Variants in AHNAK observed in about 807,000 individuals in gnomAD.
AHNAK encodes the protein AHNAK nucleoprotein, also known as neuroblast differentiation-associated protein AHNAK.
A neutral mutation model predicts 37.8 loss-of-function variants in AHNAK; 23 were observed. The ratio of observed to expected loss-of-function variants is 0.61; its 90% CI spans 0.44 to 0.86. The LOEUF is 0.86. Among genes scored for constraint, AHNAK ranks in the 40% least tolerant of loss-of-function variants. The probability of loss-of-function intolerance (pLI) is 0.00; values close to 1 mark genes in which losing one functional copy is unlikely to be tolerated. For synonymous variants in AHNAK, 2,481 were observed against 2,636.3 expected, an observed-to-expected ratio of 0.94 and a Z score of 1.80; for missense variants, 7,411 against 7,319.4, an observed-to-expected ratio of 1.01 and a Z score of -0.46.
rs1250369547 is a variant in AHNAK, at chr11:62,525,788, C to A, written c.8629G>T (p.Asp2877Tyr). The A allele has an allele frequency of 1.2e-6, 2 of 1,613,332 alleles. No homozygotes were observed. Among genetic ancestry groups the A allele is most frequent in the Non-Finnish European group, 1.7e-6 (2 of 1,179,922 alleles). ...PEVDLKGPKV[D>Y]IDVPDVNVQG... ...ACATTAACATCTGGGACATCAATGT[C>A]CACTTTGGGGCCTTTGAGGTCAACT... The change falls in exon 5 of 5, where the codon GAC becomes TAC. Residue 2877 changes from aspartate (D) to tyrosine (Y), a missense_variant. By Grantham distance (160) the Asp-to-Tyr change is radical. Transcript: ENST00000378024.
intron 5 of AHNAK, among the ~76,000 whole-genome samples, chr11:62,478,166 C>T (rs750175432): frequency 5.9e-5 from 9 of 152,166 alleles, no homozygotes; most frequent in Non-Finnish European, 1.0e-4. Context: ...GGCCTCTCAC[C>T]ACCACCCGCA....
At position 62,519,980 on chromosome 11, in the gene AHNAK, C is replaced by T. The variant is rs770972254; in HGVS notation, c.14437G>A (p.Gly4813Arg). The change falls in exon 5 of 5, where the codon GGA becomes AGA. Residue 4813 changes from glycine to arginine, a missense_variant. Gly to Arg is a moderately radical substitution (Grantham distance 125). Transcript: ENST00000378024. Reference protein sequence around the residue: ...SLPKADIDVSGPKVDVDIPDV... With the variant: ...SLPKADIDVSRPKVDVDIPDV... ...GGAATATCAACGTCCACCTTGGGTC[C>T]CGAGACATCGATGTCGGCCTTGGGC... 5.6e-6 allele frequency: 9 copies of T among 1,613,136 alleles called. No individual in the cohort carries two copies. Among genetic ancestry groups the T allele is most frequent in the Non-Finnish European group, 6.8e-6 (8 of 1,179,818 alleles).
In AHNAK at chr11:62,526,105, A is replaced by C; in HGVS notation, c.8312T>G (p.Met2771Arg). ...DWHLKMPKIKMPKISMPGFKG... is the reference protein window; with the variant it reads ...DWHLKMPKIKRPKISMPGFKG... ...GAAGCCAGGCATGCTGATCTTGGGC[A>C]TTTTTATCTTGGGCATCTTTAGGTG... is the stretch of plus-strand genomic sequence containing the variant. Residue 2771 changes from methionine (M) to arginine (R), a missense_variant, in exon 5 of 5, where the codon ATG becomes AGG. Met to Arg is a moderately conservative substitution (Grantham distance 91). Coordinates refer to ENST00000378024, the MANE Select transcript of AHNAK (RefSeq NM_001620.3). The C allele has an allele frequency of 5.0e-6, 8 of 1,612,878 alleles. No homozygotes were observed. The highest frequency in any genetic ancestry group is 6.8e-6 in the Non-Finnish European group (8 of 1,179,764).
rs1471975037 is a variant in AHNAK, at chr11:62,529,329, A to C, written c.5088T>G (p.Ile1696Met). 6.2e-7 allele frequency: 1 copy of C among 1,613,964 alleles called. No homozygotes were observed. The highest frequency in any genetic ancestry group is 1.7e-5 in the Admixed American group (1 of 60,000). Residue 1696 changes from isoleucine (I) to methionine (M), a missense_variant, in exon 5 of 5, where the codon ATT (isoleucine) becomes ATG (methionine). Coordinates refer to ENST00000378024, the MANE Select transcript of AHNAK (RefSeq NM_001620.3). Reference sequence around the variant, plus strand: ...CGTGAACCTCCACATCTGGGGCATCAATGTCCACTTTGGGCCCTTTAATGT... The same window carrying C: ...CGTGAACCTCCACATCTGGGGCATCCATGTCCACTTTGGGCCCTTTAATGT... ...DVDIKGPKVD[I>M]DAPDVEVHDP... is the part of the protein sequence containing the mutation.
chr11:62,534,892 G>A, intron 4 of AHNAK, 111 bp downstream of exon 4: 2 of 1,174,392 alleles, frequency 1.7e-6, no homozygotes, highest in Non-Finnish European at 2.4e-6. Flanking sequence ...GAGAGGAGAA[G>A]AAGGAGCAAA....
At chr11:62,546,008 A>C (rs1049533008) in intron 1 of AHNAK, 1 of 152,384 alleles carries the variant, frequency 6.6e-6, no homozygotes, top group African/African-American at 2.4e-5. Flanking sequence ...TGGGAGGCGC[A>C]TTGCAAACTT....
At chr11:62,447,921 G>C (rs954072101) in intron 5 of AHNAK, among the ~76,000 whole-genome samples, 2 of 152,156 alleles carry the variant, frequency 1.3e-5, no homozygotes, top group Admixed American at 6.5e-5. Flanking sequence ...GTTGTGATCA[G>C]TGTATGCTCT....
At chr11:62,476,330 A>C (rs1939146012) in intron 5 of AHNAK, among the ~76,000 whole-genome samples, 1 of 152,210 alleles carries the variant, frequency 6.6e-6, no homozygotes, top group Non-Finnish European at 1.5e-5. Context: ...CAGAGGTTGT[A>C]ATGAGCCGAG....
chr11:62,524,337 C>T lies in AHNAK; in HGVS notation c.10080G>A (p.Ser3360=), dbSNP rs139875610. 2.7e-5 allele frequency: 44 copies of T among 1,613,442 alleles called. No homozygotes were observed. In the African/African-American group the frequency reaches 3.9e-4, roughly 14 times the overall value. The change falls in exon 5 of 5, where the codon TCG becomes TCA. Residue 3360 remains serine, a synonymous_variant. Coordinates refer to ENST00000378024, the MANE Select transcript of AHNAK (RefSeq NM_001620.3). ...SRFKLPKFNF[S]GSKVQTPEVD... is the part of the protein sequence containing the mutation. ...CTTCAGGTGTCTGAACTTTAGAGCC[C>T]GAAAAATTAAATTTGGGAAGCTTAA...
At position 62,494,897 on chromosome 11, in the gene AHNAK, G is replaced by A. The variant is rs1304888403; in HGVS notation, c.343-3066C>T. Among the ~76,000 whole-genome samples the A allele has an allele frequency of 2.0e-5, 3 of 151,876 alleles. No individual in the cohort carries two copies. The South Asian group carries it at 6.2e-4, about 32-fold the overall frequency. On this transcript the variant is annotated intron_variant, in intron 4 of 5. Coordinates refer to the AHNAK transcript ENST00000257247. ...CGCCTGTAATCTCAGCTACTCAGGA[G>A]GCTGAGGCACGAGAATCGCTTGAAC...
At chr11:62,439,868 A>T (rs1938266926) in intron 5 of AHNAK, among the ~76,000 whole-genome samples, 1 of 151,316 alleles carries the variant, frequency 6.6e-6, no homozygotes, top group Admixed American at 6.6e-5. Context: ...AGGTTTTGCC[A>T]TGTTAGCCAG....
intron 5 of AHNAK, among the ~76,000 whole-genome samples, chr11:62,441,990 A>G (rs1400814222): frequency 6.6e-6 from 1 of 152,016 alleles, no homozygotes; most frequent in Non-Finnish European, 1.5e-5. Context: ...GGCGCAAATC[A>G]CCCTACTCCT....
chr11:62,528,034 C>A lies in AHNAK; in HGVS notation c.6383G>T (p.Gly2128Val). 1 of 1,613,982 alleles carries A rather than the reference C, an allele frequency of 6.2e-7. No homozygotes were observed. Among genetic ancestry groups the A allele is most frequent in the African/African-American group, 1.3e-5 (1 of 74,962 alleles). Residue 2128 changes from glycine (G) to valine (V), a missense_variant, in exon 5 of 5, where the codon GGC becomes GTC. By Grantham distance (109) the Gly-to-Val change is moderately radical. Transcript: ENST00000378024. ...ATCCACATCCCCTTTGACTTTGGGGCCTTTCAAGTGTAAGTCCACATCAGG... is the reference window on the plus strand; with the variant it reads ...ATCCACATCCCCTTTGACTTTGGGGACTTTCAAGTGTAAGTCCACATCAGG... ...SMPDVDLHLK[G>V]PKVKGDVDVS...
At chr11:62,488,969 G>A (rs889956256) in intron 5 of AHNAK, among the ~76,000 whole-genome samples, 22 of 151,980 alleles carry the variant, frequency 1.4e-4, no homozygotes, top group Admixed American at 2.0e-4. Context: ...GGCCCAGCGC[G>A]GTGGCTCACA....
chr11:62,507,922 G>T (rs192867430), intron 4 of AHNAK, among the ~76,000 whole-genome samples: 2 of 152,310 alleles, frequency 1.3e-5, no homozygotes, highest in African/African-American at 4.8e-5. Flanking sequence ...GAAGAAAGGG[G>T]CTTTGCACAT....
intron 4 of AHNAK, among the ~76,000 whole-genome samples, chr11:62,501,280 C>T (rs1189741367): frequency 6.6e-6 from 1 of 152,062 alleles, no homozygotes; most frequent in Non-Finnish European, 1.5e-5. Context: ...TCTAGAAGAA[C>T]TTTGCCTGCC....
Position 62,518,320 on chromosome 11 carries a change from CTCAG to C in AHNAK, c.16093_16096del (p.Leu5365GlyfsTer22). The C allele has an allele frequency of 6.2e-7, 1 of 1,614,192 alleles. No homozygotes were observed. Among genetic ancestry groups the C allele is most frequent in the Non-Finnish European group, 8.5e-7 (1 of 1,180,036 alleles). ...CAGATCTCCCTGCAGGCTTGGTCCC[CTCAG>C]TGTCACATCTGGTGCCCCAACGTTA... On this transcript the variant is annotated frameshift_variant, in exon 5 of 5. Transcript: ENST00000378024. LOFTEE classifies it high-confidence loss of function.
At chr11:62,458,063 G>T (rs112407251) in intron 5 of AHNAK, among the ~76,000 whole-genome samples, 1 of 150,780 alleles carries the variant, frequency 6.6e-6, no homozygotes, top group African/African-American at 2.4e-5. Flanking sequence ...ACAGGTGCCC[G>T]GCAACATGCC....
rs140572917 is a variant in AHNAK, at chr11:62,522,703, G to A, written c.11714C>T (p.Pro3905Leu). The A allele has an allele frequency of 2.5e-6, 4 of 1,613,124 alleles. No homozygotes were observed. Among genetic ancestry groups the A allele is most frequent in the Non-Finnish European group, 2.5e-6 (3 of 1,179,874 alleles). The change falls in exon 5 of 5, where the codon CCT (proline) becomes CTT (leucine). Residue 3905 changes from proline to leucine, a missense_variant. Transcript: ENST00000378024. ...TTTGGGGCCTTTAATATCCAAGTCAGGAACTTGCATGTCACCTTCCACTTT... is the reference window on the plus strand; with the variant it reads ...TTTGGGGCCTTTAATATCCAAGTCAAGAACTTGCATGTCACCTTCCACTTT... ...LPKVEGDMQV[P>L]DLDIKGPKVD...
Sources: allele counts gnomAD v4.1 joint callset (sites outside exome capture counted in the v4.1 genomes callset), GRCh38; gene constraint gnomAD v4.1.1; transcripts MANE v1.5; gene names NCBI Gene and HGNC (gene_info 2026-07-23, HGNC 2026-07-21).